SLC9A9: variants seen among roughly 807,000 people sequenced by gnomAD.
SLC9A9 encodes the protein solute carrier family 9 member A9.
In SLC9A9, 62 loss-of-function variants were observed where a neutral mutation model predicts 77.8. The ratio of observed to expected loss-of-function variants is 0.80; its 90% CI spans 0.65 to 0.98. The LOEUF is 0.98. Among genes scored for constraint, SLC9A9 ranks in the 50% least tolerant of loss-of-function variants. SLC9A9 has a pLI of 0.00. For missense variants in SLC9A9, 775 were observed against 774.9 expected (o/e 1.00, Z 0.00); for synonymous variants, 320 against 283.5 (o/e 1.13, Z -1.29).
chr3:143,660,509 G>C (rs1344115741), intron 5 of SLC9A9, among the ~76,000 whole-genome samples: 1 of 152,204 alleles, frequency 6.6e-6, no homozygotes, highest in African/African-American at 2.4e-5. Flanking sequence ...CCAGTCAGTA[G>C]GTTGATTTTC....
chr3:143,618,879 A>C (rs965833417), intron 6 of SLC9A9, among the ~76,000 whole-genome samples: 1 of 152,238 alleles, frequency 6.6e-6, no homozygotes, highest in African/African-American at 2.4e-5. Flanking sequence ...TGAAAGACTC[A>C]GAGGGTTTAG....
chr3:143,556,920 C>G (rs1047654952), intron 8 of SLC9A9, among the ~76,000 whole-genome samples: 1 of 152,160 alleles, frequency 6.6e-6, no homozygotes, highest in African/African-American at 2.4e-5. Context: ...AGACCATGTG[C>G]CAAGTCCAAG....
chr3:143,416,436 C>T (rs2034192161), intron 12 of SLC9A9, among the ~76,000 whole-genome samples: 1 of 152,252 alleles, frequency 6.6e-6, no homozygotes, highest in East Asian at 1.9e-4. Context: ...CACAGCCTCC[C>T]TAGCCTTCAG....
At chr3:143,266,995 A>ATTTTTT in intron 15 of SLC9A9, 66 bp from the exon 16 acceptor site, 2 of 1,233,646 alleles carry the variant, frequency 1.6e-6, no homozygotes, top group Non-Finnish European at 2.3e-6. Context: ...CAGTCCTACA[A>ATTTTTT]TTTTTTTTTT....
intron 6 of SLC9A9, among the ~76,000 whole-genome samples, chr3:143,636,470 A>AT (rs1007772987): frequency 1.3e-5 from 2 of 152,070 alleles, no homozygotes; most frequent in African/African-American, 4.8e-5. Flanking sequence ...CCAGTTTTAA[A>AT]TTTTTTAATA....
At chr3:143,768,544 G>T (rs1345076810) in intron 4 of SLC9A9, among the ~76,000 whole-genome samples, 2 of 152,092 alleles carry the variant, frequency 1.3e-5, no homozygotes, top group East Asian at 3.9e-4. Flanking sequence ...TAACATAGGA[G>T]GAACCTGTTT....
At chr3:143,827,495 T>A (rs2009330061) in intron 2 of SLC9A9, among the ~76,000 whole-genome samples, 1 of 152,220 alleles carries the variant, frequency 6.6e-6, no homozygotes. Flanking sequence ...AATTTTTATA[T>A]GTTTAAACAT....
At chr3:143,414,532 C>G (rs1458654901) in intron 12 of SLC9A9, among the ~76,000 whole-genome samples, 2 of 152,162 alleles carry the variant, frequency 1.3e-5, no homozygotes, top group Admixed American at 1.3e-4. Context: ...AACATTTCAT[C>G]ATTATCATAT....
chr3:143,414,703 C>T (rs898956042), intron 12 of SLC9A9, among the ~76,000 whole-genome samples: 1 of 152,172 alleles, frequency 6.6e-6, no homozygotes, highest in African/African-American at 2.4e-5. Context: ...TCTCTCTCTC[C>T]TCAGGCCAGC....
intron 12 of SLC9A9, among the ~76,000 whole-genome samples, chr3:143,382,810 G>A (rs537907428): frequency 1.8e-4 from 28 of 152,070 alleles, no homozygotes; most frequent in Non-Finnish European, 3.2e-4. Context: ...ACTTTCTTCC[G>A]GAATTTTTGC....
At position 143,576,777 on chromosome 3, in the gene SLC9A9, C is replaced by T. The variant is rs187093985; in HGVS notation, c.894+1808G>A. 2.9e-3 allele frequency among the ~76,000 whole-genome samples: 443 copies of T among 152,278 alleles called. 3 individuals carry two copies. Among genetic ancestry groups the T allele is most frequent in the African/African-American group, 9.9e-3 (412 of 41,556 alleles). On this transcript the variant is annotated intron_variant, in intron 7 of 15. Coordinates refer to ENST00000316549, the MANE Select transcript of SLC9A9 (RefSeq NM_173653.4). ...ATCATTGTGAAGGTTAGATGAGACACTCATGGAAAACACGTCGTAGGCAGC... is the reference window on the plus strand; with the variant it reads ...ATCATTGTGAAGGTTAGATGAGACATTCATGGAAAACACGTCGTAGGCAGC...
chr3:143,614,237 T>C (rs938372806), intron 6 of SLC9A9, among the ~76,000 whole-genome samples: 1 of 152,188 alleles, frequency 6.6e-6, no homozygotes, highest in African/African-American at 2.4e-5. Flanking sequence ...CATGTTCCTG[T>C]TTCTGGTTAG....
intron 14 of SLC9A9, among the ~76,000 whole-genome samples, chr3:143,353,428 T>C (rs187085778): frequency 6.6e-6 from 1 of 152,294 alleles, no homozygotes; most frequent in East Asian, 1.9e-4. Context: ...CTTGTTTACT[T>C]TCTTCCACCA....
At chr3:143,349,678 C>T (rs963611547) in intron 14 of SLC9A9, among the ~76,000 whole-genome samples, 5 of 152,200 alleles carry the variant, frequency 3.3e-5, no homozygotes, top group Admixed American at 1.3e-4. Flanking sequence ...GACTCATGCT[C>T]TGTGCTGTTC....
At chr3:143,578,532 G>T in intron 7 of SLC9A9, 53 bp downstream of exon 7, 1 of 1,612,576 alleles carries the variant, frequency 6.2e-7, no homozygotes, top group Non-Finnish European at 8.5e-7. Flanking sequence ...AATATTCCAT[G>T]GATACTGACT....
rs1338875071 is a variant in SLC9A9, at chr3:143,788,194, G to T, written c.533+6807C>A. On this transcript the variant is annotated intron_variant, in intron 4 of 15. Transcript: ENST00000316549. ...TTGGAGGAAAAATAATTAATTGGATGTTAACTTTGTATCATATAAAAAATG... is the reference window on the plus strand; with the variant it reads ...TTGGAGGAAAAATAATTAATTGGATTTTAACTTTGTATCATATAAAAAATG... Among the ~76,000 whole-genome samples, 3 of 152,156 alleles carry T rather than the reference G, an allele frequency of 2.0e-5. No homozygotes were observed. In the East Asian group the frequency reaches 5.8e-4, roughly 29 times the overall value.
At chr3:143,458,124 G>A (rs1316025715) in intron 12 of SLC9A9, among the ~76,000 whole-genome samples, 1 of 151,992 alleles carries the variant, frequency 6.6e-6, no homozygotes, top group East Asian at 1.9e-4. Flanking sequence ...ATTCTTAGGT[G>A]CATACACATT....
chr3:143,352,466 A>C (rs904841542), intron 14 of SLC9A9, among the ~76,000 whole-genome samples: 1 of 152,222 alleles, frequency 6.6e-6, no homozygotes, highest in Non-Finnish European at 1.5e-5. Flanking sequence ...GGGATGTCAA[A>C]GGCAATGGTT....
rs771086649 is a variant in SLC9A9 at position 143,495,409 on chromosome 3, A to G, written c.1129T>C (p.Phe377Leu). The part of the protein sequence containing the change: ...FMNFLAENVI[F>L]CYMGLALFTF... The stretch of plus-strand genomic sequence containing the variant: ...AACAGTGCCAGGCCCATGTAACAGA[A>G]GATGACGTTCTCCGCCAAAAAGTTC... Residue 377 changes from phenylalanine to leucine, a missense_variant, in exon 10 of 16, where the codon TTC becomes CTC. Coordinates refer to ENST00000316549, the MANE Select transcript of SLC9A9 (RefSeq NM_173653.4). 1 of 1,614,214 alleles carries G rather than the reference A, an allele frequency of 6.2e-7. No homozygotes were observed. Among genetic ancestry groups the G allele is most frequent in the South Asian group, 1.1e-5 (1 of 91,084 alleles).
Sources: gnomAD v4.1 joint callset for allele counts (sites outside exome capture counted in the v4.1 genomes callset) on GRCh38, gnomAD v4.1.1 for gene constraint, MANE v1.5 for transcripts, NCBI Gene and HGNC (gene_info 2026-07-23, HGNC 2026-07-21) for gene names.